The following PRP4K variants were observed in gnomAD, a reference collection of about 807,000 sequenced individuals.
The protein encoded by PRP4K is serine/threonine-protein kinase PRP4 homolog.
At chr6:4,045,784 C>A in the PRP4K span, among the ~76,000 whole-genome samples, 3 of 152,138 alleles carry the variant, frequency 2.0e-5, no homozygotes, top group Admixed American at 2.0e-4. Flanking sequence ...TGTATAGGCA[C>A]AATTCTCTGT....
chr6:4,040,846 G>C, the PRP4K span: 2 of 1,614,008 alleles, frequency 1.2e-6, no homozygotes, highest in Non-Finnish European at 1.7e-6. Flanking sequence ...CGAAGGAGCA[G>C]AAGCAAAGTA....
At chr6:4,040,804 G>C in the PRP4K span, 3 of 1,613,980 alleles carry the variant, frequency 1.9e-6, no homozygotes, top group Non-Finnish European at 8.5e-7. Context: ...TCACGCTTGC[G>C]AAGGCGGTCT....
chr6:4,056,745 G>T, the PRP4K span: 7 of 1,497,028 alleles, frequency 4.7e-6, no homozygotes, highest in Non-Finnish European at 6.3e-6. Context: ...TGTTGCCTTG[G>T]TTGAGGCTGA....
At chr6:4,044,619 G>T in the PRP4K span, among the ~76,000 whole-genome samples, 10 of 152,038 alleles carry the variant, frequency 6.6e-5, no homozygotes, top group African/African-American at 2.4e-4. Flanking sequence ...TCTCTAACTG[G>T]GTTGGGGAAA....
the PRP4K span, among the ~76,000 whole-genome samples, chr6:4,039,757 C>T: frequency 6.6e-6 from 1 of 152,272 alleles, no homozygotes; most frequent in East Asian, 1.9e-4. Flanking sequence ...CCAATTTGCA[C>T]ATTCTAAGAT....
the PRP4K span, chr6:4,040,829 T>C: frequency 6.2e-7 from 1 of 1,613,980 alleles, no homozygotes; most frequent in East Asian, 2.2e-5. Flanking sequence ...CACGCGGTGG[T>C]CGTAGACGAA....
chr6:4,064,322 G>A, the PRP4K span: 1 of 152,442 alleles, frequency 6.6e-6, no homozygotes, highest in African/African-American at 2.4e-5. Flanking sequence ...TAAGTAAAAT[G>A]TAATGTTCTC....
the PRP4K span, among the ~76,000 whole-genome samples, chr6:4,036,004 A>G: frequency 1.0e-5 from 1 of 99,442 alleles, no homozygotes; most frequent in Non-Finnish European, 2.0e-5. Context: ...AAATACTGTA[A>G]TATTATTTGA....
chr6:4,047,286 A>T, the PRP4K span: 1 of 1,464,756 alleles, frequency 6.8e-7, no homozygotes, highest in Non-Finnish European at 9.5e-7. Flanking sequence ...ACAAAAAAAA[A>T]TAACAAATAT....
At chr6:4,031,652 AAAG>A in the PRP4K span, 18 of 1,604,430 alleles carry the variant, frequency 1.1e-5, no homozygotes, top group South Asian at 1.6e-4. Flanking sequence ...GTCACAAAAA[AAAG>A]AAGCATAAAC....
chr6:4,055,400 G>A, the PRP4K span, among the ~76,000 whole-genome samples: 125 of 152,272 alleles, frequency 8.2e-4, 1 homozygote, highest in African/African-American at 2.9e-3. Flanking sequence ...AATCATTTCT[G>A]TTCCTATTAA....
chr6:4,040,802 G>C, the PRP4K span: 1 of 1,613,934 alleles, frequency 6.2e-7, no homozygotes, highest in African/African-American at 1.3e-5. Context: ...GATCACGCTT[G>C]CGAAGGCGGT....
At chr6:4,056,868 CTAT>C in the PRP4K span, 1 of 1,066,420 alleles carries the variant, frequency 9.4e-7, no homozygotes, top group Non-Finnish European at 1.3e-6. Context: ...GTTTGAGTCT[CTAT>C]TAAGAATTAG....
chr6:4,045,172 T>C, the PRP4K span, among the ~76,000 whole-genome samples: 4 of 152,352 alleles, frequency 2.6e-5, no homozygotes, highest in Middle Eastern at 3.4e-3. Flanking sequence ...AGTACACTGT[T>C]GAACGGACAT....
At chr6:4,026,888 A>C in the PRP4K span, among the ~76,000 whole-genome samples, 1 of 152,204 alleles carries the variant, frequency 6.6e-6, no homozygotes, top group Admixed American at 6.5e-5. Context: ...ACGTTTTAGC[A>C]AAGACAAGGT....
the PRP4K span, among the ~76,000 whole-genome samples, chr6:4,048,272 G>T: frequency 6.6e-6 from 1 of 151,736 alleles, no homozygotes; most frequent in Non-Finnish European, 1.5e-5. Context: ...CCAGCTACTC[G>T]GGAGGCTGAG....
the PRP4K span, chr6:4,056,715 A>T: frequency 2.0e-6 from 3 of 1,529,530 alleles, no homozygotes. Flanking sequence ...TATGGATTGT[A>T]TGGGACCTTT....
the PRP4K span, chr6:4,032,665 C>T: frequency 6.2e-7 from 1 of 1,613,820 alleles, no homozygotes; most frequent in Non-Finnish European, 8.5e-7. Context: ...AAATCCCCCT[C>T]GCGGACACTG....
the PRP4K span, among the ~76,000 whole-genome samples, chr6:4,045,947 A>G: frequency 6.6e-6 from 1 of 152,188 alleles, no homozygotes; most frequent in Non-Finnish European, 1.5e-5. Flanking sequence ...GTTGTATCCT[A>G]CCTACACACA....
Sources: gnomAD v4.1 joint callset for allele counts (sites outside exome capture counted in the v4.1 genomes callset) on GRCh38, gnomAD v4.1.1 for gene constraint, MANE v1.5 for transcripts, NCBI Gene and HGNC (gene_info 2026-07-23, HGNC 2026-07-21) for gene names.